The following DMXL2 variants were observed in gnomAD, a reference collection of about 807,000 sequenced individuals.
DMXL2 encodes the protein Dmx like 2.
In DMXL2, 103 loss-of-function variants were observed where a neutral mutation model predicts 331.1. The ratio of observed to expected loss-of-function variants is 0.31; its 90% CI spans 0.27 to 0.37. The LOEUF (loss-of-function observed/expected upper bound fraction) is 0.37. Ranked by LOEUF, DMXL2 falls within the 10% of genes least tolerant of loss-of-function variation. DMXL2 has a pLI of 1.00. For missense variants in DMXL2, 3,171 were observed against 3,642.9 expected (o/e 0.87, Z 3.33); for synonymous variants, 1,281 against 1,252.1 (o/e 1.02, Z -0.49).
chr15:51,499,665 C>T lies in DMXL2; in HGVS notation c.3559G>A (p.Val1187Ile), dbSNP rs999884103. The change falls in exon 18 of 44, where the codon GTC (valine) becomes ATC (isoleucine). Residue 1187 changes from valine (V) to isoleucine (I), a missense_variant. This residue lies in a region of DMXL2 where 1,674 missense variants were observed against 1,780.2 expected (regional missense o/e 0.94). Transcript: ENST00000560891. ...EDGSHILTVG[V>I]GANIFMYGRL... Reference sequence around the variant, plus strand: ...CCATACATGAAGATATTCGCACCGACTCCCACTGTAAGAATGTGGGAGCCA... The same window carrying T: ...CCATACATGAAGATATTCGCACCGATTCCCACTGTAAGAATGTGGGAGCCA... 6.2e-7 allele frequency: 1 copy of T among 1,613,952 alleles called. No homozygotes were observed. Among genetic ancestry groups the T allele is most frequent in the African/African-American group, 1.3e-5 (1 of 74,938 alleles).
rs186120496 is a variant in DMXL2 at position 51,577,999 on chromosome 15, G to A, written c.88-1818C>T. On this transcript the variant is annotated intron_variant, in intron 1 of 43. Coordinates refer to ENST00000560891, the MANE Select transcript of DMXL2 (RefSeq NM_001378457.1). ...CTGAGAACACTAAAGTGCAAGACAT[G>A]GTCCCAGTTACTCTAATGGGGAGAT... is the stretch of plus-strand genomic sequence containing the variant. 8.5e-5 allele frequency among the ~76,000 whole-genome samples: 13 copies of A among 152,232 alleles called. No individual in the cohort carries two copies. In the East Asian group the frequency reaches 2.1e-3, roughly 25 times the overall value.
At chr15:51,502,771 T>G in intron 17 of DMXL2, 35 bp downstream of exon 17, 17 of 1,430,524 alleles carry the variant, frequency 1.2e-5, no homozygotes, top group Non-Finnish European at 1.7e-5. Flanking sequence ...TTTATCACTC[T>G]GAGCTACCAC....
At chr15:51,509,795 C>T (rs150651457) in intron 15 of DMXL2, among the ~76,000 whole-genome samples, 3,598 of 152,162 alleles carry the variant, frequency 0.024, 63 homozygotes, top group Middle Eastern at 0.044. Context: ...AACATCAATG[C>T]GAAAAACCTC....
chr15:51,574,401 A>G (rs1595577864), intron 2 of DMXL2, among the ~76,000 whole-genome samples: 2 of 151,296 alleles, frequency 1.3e-5, no homozygotes, highest in East Asian at 1.9e-4. Context: ...GTTAACCTTT[A>G]AAACTCAATT....
chr15:51,527,551 A>C (rs2047746205), intron 13 of DMXL2, among the ~76,000 whole-genome samples: 1 of 152,192 alleles, frequency 6.6e-6, no homozygotes, highest in African/African-American at 2.4e-5. Flanking sequence ...CAACACGGTG[A>C]AACCCTGTCT....
In DMXL2 at chr15:51,510,795, C is replaced by T. The variant is rs1449273023; in HGVS notation, c.2645-3542G>A. Among the ~76,000 whole-genome samples the T allele has an allele frequency of 2.0e-5, 3 of 152,264 alleles. No homozygotes were observed. The East Asian group carries it at 5.8e-4, about 29-fold the overall frequency. On this transcript the variant is annotated intron_variant, in intron 15 of 43. Coordinates refer to ENST00000560891, the MANE Select transcript of DMXL2 (RefSeq NM_001378457.1). Reference sequence around the variant, plus strand: ...TCACGCTACCTGACTTCAAACTATACTACAAGGCTACAGTAACAAAAACAG... The same window carrying T: ...TCACGCTACCTGACTTCAAACTATATTACAAGGCTACAGTAACAAAAACAG...
chr15:51,463,209 A>G, intron 33 of DMXL2, 170 bp downstream of exon 33: 1 of 477,050 alleles, frequency 2.1e-6, no homozygotes, highest in Non-Finnish European at 3.7e-6. Flanking sequence ...CATTGCTATG[A>G]AATGAAAATT....
rs994467261 is a variant in DMXL2, at chr15:51,545,897, G to A, written c.747-131C>T. 6 of 673,134 alleles carry A rather than the reference G, an allele frequency of 8.9e-6. No homozygotes were observed. The African/African-American group carries it at 9.0e-5, about 10-fold the overall frequency. 41.7% of individuals were successfully genotyped at this position (673,134 alleles called of 1,614,324 possible). ...ATGGAAAAAAGGAATCAATCAAAGA[G>A]CTTGAAATCATATATAGCATCACTG... On this transcript the variant is annotated intron_variant, in intron 7 of 43. Transcript: ENST00000560891.
chr15:51,586,009 A>G (rs1270921232), intron 1 of DMXL2, among the ~76,000 whole-genome samples: 1 of 152,238 alleles, frequency 6.6e-6, no homozygotes, highest in Non-Finnish European at 1.5e-5. Flanking sequence ...GGGAAGGGGT[A>G]GCATTTGAAT....
chr15:51,459,608 C>T lies in DMXL2; in HGVS notation c.7979G>A (p.Cys2660Tyr), dbSNP rs752376749. Residue 2660 changes from cysteine (C) to tyrosine (Y), a missense_variant, in exon 34 of 44, where the codon TGC becomes TAC. Around this residue, in one of 7 missense-constraint regions of DMXL2, gnomAD observed 766 missense variants for 940.5 expected, o/e 0.81. Coordinates refer to ENST00000560891, the MANE Select transcript of DMXL2 (RefSeq NM_001378457.1). ...ATCTTGGAATACTACCTTGATGTGG[C>T]AATCTTCTGCTATGCAGTTTTGGTT... ...QVNQNCIAED[C>Y]HIKVEADLGY... The T allele has an allele frequency of 5.4e-6, 7 of 1,289,640 alleles. No individual in the cohort carries two copies. Among genetic ancestry groups the T allele is most frequent in the South Asian group, 3.7e-5 (3 of 81,032 alleles). The allele number at this position is 1,289,640 out of a possible 1,614,324, so 79.9% of individuals were successfully genotyped here.
intron 13 of DMXL2, among the ~76,000 whole-genome samples, chr15:51,526,946 A>T (rs781095168): frequency 2.0e-4 from 30 of 152,228 alleles, no homozygotes; most frequent in Non-Finnish European, 3.8e-4. Flanking sequence ...AGAGGAGGTA[A>T]AGAAAGAGGT....
At chr15:51,514,292 A>G in intron 15 of DMXL2, 150 bp downstream of exon 15, 3 of 543,792 alleles carry the variant, frequency 5.5e-6, no homozygotes, top group Middle Eastern at 1.0e-3. Context: ...AGCCCTCTTC[A>G]TCTACAAGCA....
intron 1 of DMXL2, among the ~76,000 whole-genome samples, chr15:51,614,340 T>C (rs2054158084): frequency 6.6e-6 from 1 of 152,194 alleles, no homozygotes; most frequent in African/African-American, 2.4e-5. Flanking sequence ...AGCAAATTAA[T>C]ACAACATATT....
chr15:51,570,459 C>T (rs2050589868), intron 2 of DMXL2, among the ~76,000 whole-genome samples: 1 of 152,056 alleles, frequency 6.6e-6, no homozygotes. Context: ...AAAGATATTC[C>T]TCGAGAAGAG....
Position 51,517,280 on chromosome 15 carries a change from G to A in DMXL2, c.2437-113C>T, listed in dbSNP as rs866179900. The A allele has an allele frequency of 8.5e-6, 6 of 707,554 alleles. No homozygotes were observed. In the Middle Eastern group the frequency reaches 1.4e-3, roughly 169 times the overall value. The allele number at this position is 707,554 out of a possible 1,614,324, so 43.8% of individuals were successfully genotyped here. A position where few individuals can be genotyped will look rare whatever the true frequency, so the allele number is the denominator to read the frequency against. On this transcript the variant is annotated intron_variant, in intron 13 of 43. Transcript: ENST00000560891. ...CTCTAAATATTCACTGATTGGCAAT[G>A]GAATGTAATACATTCAAAGAAATAC... is the stretch of plus-strand genomic sequence containing the variant.
intron 42 of DMXL2, among the ~76,000 whole-genome samples, chr15:51,451,352 TGC>T (rs1391984300): frequency 6.6e-6 from 1 of 152,248 alleles, no homozygotes; most frequent in African/African-American, 2.4e-5. Context: ...ATGAATACTT[TGC>T]AACTAATTTC....
chr15:51,611,020 T>C (rs1247270352), intron 1 of DMXL2, among the ~76,000 whole-genome samples: 1 of 151,948 alleles, frequency 6.6e-6, no homozygotes, highest in Non-Finnish European at 1.5e-5. Context: ...TCTAAATTCA[T>C]CTATTAGGGA....
At chr15:51,507,283 T>A (rs1228735055) in intron 15 of DMXL2, 30 bp from the exon 16 acceptor site, 1 of 1,586,352 alleles carries the variant, frequency 6.3e-7, no homozygotes, top group East Asian at 2.3e-5. Context: ...GATATTTAAA[T>A]TAGTATGTTT....
In DMXL2 at chr15:51,532,634, T is replaced by C. The variant is rs140208143; in HGVS notation, c.2436+3029A>G. On this transcript the variant is annotated intron_variant, in intron 13 of 43. Coordinates refer to ENST00000560891, the MANE Select transcript of DMXL2 (RefSeq NM_001378457.1). ...TGCATGCCTATATCAAAACATTTCA[T>C]GTACCCCACAAATATATACATCTAC... Among the ~76,000 whole-genome samples, 9 of 152,272 alleles carry C rather than the reference T, an allele frequency of 5.9e-5. No individual in the cohort carries two copies. In the East Asian group the frequency reaches 1.5e-3, roughly 26 times the overall value.
Sources: allele counts gnomAD v4.1 joint callset (sites outside exome capture counted in the v4.1 genomes callset), GRCh38; gene constraint gnomAD v4.1.1; regional missense constraint gnomAD v4.1.1; transcripts MANE v1.5; gene names NCBI Gene and HGNC (gene_info 2026-07-23, HGNC 2026-07-21).